Variants in PLCH2 observed in about 807,000 individuals in gnomAD.
The protein encoded by PLCH2 is phospholipase C eta 2, also known as 1-phosphatidylinositol 4,5-bisphosphate phosphodiesterase eta-2.
In PLCH2, 98 loss-of-function variants were observed where a neutral mutation model predicts 134.7. The ratio of observed to expected loss-of-function variants is 0.73; its 90% CI spans 0.62 to 0.86. PLCH2 has a LOEUF of 0.86. Ranked by LOEUF, PLCH2 falls within the 40% of genes least tolerant of loss-of-function variation. The pLI is 0.00. For missense variants in PLCH2, 1,994 were observed against 1,986.6 expected (o/e 1.00, Z -0.07); for synonymous variants, 974 against 827.5 (o/e 1.18, Z -3.04).
Position 2,504,897 on chromosome 1 carries a change from C to T in PLCH2, c.3935C>T (p.Ala1312Val). Reference sequence around the variant, plus strand: ...CGCTGGCTCACTGTCTTCCAGCAGGCAGGAGACATCACGTCACCCACCAGC... The same window carrying T: ...CGCTGGCTCACTGTCTTCCAGCAGGTAGGAGACATCACGTCACCCACCAGC... ...QLRWLTVFQQ[A>V]GDITSPTSLG... The change falls in exon 22 of 22, where the codon GCA (alanine) becomes GTA (valine). Residue 1312 changes from alanine (A) to valine (V), a missense_variant. This residue lies in a region of PLCH2 where 900 missense variants were observed against 752.3 expected (regional missense o/e 1.20). Coordinates refer to ENST00000378486, the MANE Select transcript of PLCH2 (RefSeq NM_014638.4). The T allele has an allele frequency of 6.3e-7, 1 of 1,585,340 alleles. No individual in the cohort carries two copies. Among genetic ancestry groups the T allele is most frequent in the Non-Finnish European group, 8.6e-7 (1 of 1,165,174 alleles).
At chr1:2,417,208 G>T in the PLCH2 span, among the ~76,000 whole-genome samples, 1 of 152,282 alleles carries the variant, frequency 6.6e-6, no homozygotes, top group Middle Eastern at 3.4e-3. Flanking sequence ...GTCCTGGTGT[G>T]CAGCTGTCAT....
chr1:2,496,460 G>A lies in PLCH2; in HGVS notation c.1836-147G>A, dbSNP rs1349581778. On this transcript the variant is annotated intron_variant, in intron 13 of 21. Transcript: ENST00000378486. ...CCCAGCACTCAGGTTTCCGCAGCCC[G>A]CGGCCCAGTCTGGCGTCCGTCTCTG... The A allele has an allele frequency of 4.3e-5, 30 of 697,524 alleles. No individual in the cohort carries two copies. The Admixed American group carries it at 6.9e-4, about 16-fold the overall frequency. The allele number at this position is 697,524 out of a possible 1,614,324, so 43.2% of individuals were successfully genotyped here. A position where few individuals can be genotyped will look rare whatever the true frequency, so the allele number is the denominator to read the frequency against.
intron 2 of PLCH2, among the ~76,000 whole-genome samples, chr1:2,449,102 C>A (rs572741719): frequency 2.6e-5 from 4 of 152,078 alleles, no homozygotes; most frequent in Non-Finnish European, 5.9e-5. Flanking sequence ...GCTTCACATC[C>A]CCCTGGACGG....
rs1406228730 is a variant in PLCH2, at chr1:2,499,566, T to C, written c.2582-75T>C. On this transcript the variant is annotated intron_variant, in intron 19 of 21. Coordinates refer to ENST00000378486, the MANE Select transcript of PLCH2 (RefSeq NM_014638.4). ...TATCTGGGGTCTTGGGACCTTTAAG[T>C]AGAATGGGGGGCAGAGCAGGTGGGG... 16 of 1,141,994 alleles carry C rather than the reference T, an allele frequency of 1.4e-5. No homozygotes were observed. In the East Asian group the frequency reaches 2.8e-4, roughly 20 times the overall value. 70.7% of individuals were successfully genotyped at this position (1,141,994 alleles called of 1,614,324 possible).
At chr1:2,497,032 T>G (rs753889326) in intron 15 of PLCH2, 22 bp downstream of exon 15, 1 of 1,605,196 alleles carries the variant, frequency 6.2e-7, no homozygotes, top group Non-Finnish European at 8.5e-7. Flanking sequence ...CATGGTGCGC[T>G]GGGTGTGGTG....
At chr1:2,442,902 C>T (rs1007581979) in intron 2 of PLCH2, among the ~76,000 whole-genome samples, 26 of 152,342 alleles carry the variant, frequency 1.7e-4, no homozygotes, top group African/African-American at 3.4e-4. Context: ...ACTTGTCTCC[C>T]GCCTCCTCCT....
chr1:2,480,237 C>T lies in PLCH2; in HGVS notation c.570C>T (p.Ser190=), dbSNP rs1259350931. Residue 190 remains serine (S), a synonymous_variant, in exon 4 of 22, where the codon AGC becomes AGT. Coordinates refer to ENST00000378486, the MANE Select transcript of PLCH2 (RefSeq NM_014638.4). ...EADKNGDGSL[S]IGEVLQLLHK... ...ACAAGAACGGGGATGGCAGCCTGAG[C>T]ATTGGCGAGGTCCTGCAGCTGCTGC... The T allele has an allele frequency of 4.3e-6, 7 of 1,612,818 alleles. No homozygotes were observed. Among genetic ancestry groups the T allele is most frequent in the Non-Finnish European group, 5.9e-6 (7 of 1,179,840 alleles).
At chr1:2,488,062 C>G (rs1291767125) in intron 8 of PLCH2, among the ~76,000 whole-genome samples, 1 of 152,234 alleles carries the variant, frequency 6.6e-6, no homozygotes, top group Non-Finnish European at 1.5e-5. Context: ...GCTGTAGACA[C>G]TATTGAAGAA....
In PLCH2 at chr1:2,450,292, C is replaced by T. The variant is rs867035785; in HGVS notation, c.115+19663C>T. 1.1e-4 allele frequency among the ~76,000 whole-genome samples: 17 copies of T among 152,114 alleles called. 1 individual carries two copies. Among genetic ancestry groups the T allele is most frequent in the Admixed American group, 6.5e-4 (10 of 15,282 alleles). Reference sequence around the variant, plus strand: ...AACACCCAGCCATTCCCTCCCTCCCCGTGGGCCTCCAGCACAGGCGGCCGG... The same window carrying T: ...AACACCCAGCCATTCCCTCCCTCCCTGTGGGCCTCCAGCACAGGCGGCCGG... On this transcript the variant is annotated intron_variant, in intron 2 of 3. Coordinates refer to the PLCH2 transcript ENST00000609981.
chr1:2,503,502 T>C, intron 21 of PLCH2: 1 of 650,650 alleles, frequency 1.5e-6, no homozygotes, highest in Non-Finnish European at 2.8e-6. Flanking sequence ...ACTAGAAGGG[T>C]GTCTCCTTAG....
intron 2 of PLCH2, among the ~76,000 whole-genome samples, chr1:2,459,584 G>T (rs2985853): frequency 1.9e-5 from 2 of 104,976 alleles, no homozygotes; most frequent in Admixed American, 1.0e-4. Context: ...GGTCCTCCTT[G>T]CCGGTGGTCT....
At chr1:2,497,654 T>C (rs1258057618) in intron 16 of PLCH2, 45 bp downstream of exon 16, 35 of 1,271,286 alleles carry the variant, frequency 2.8e-5, no homozygotes, top group Non-Finnish European at 3.6e-5. Context: ...AGGGCTCGGA[T>C]GGGCCTCCTG....
At chr1:2,491,120 C>G (rs918027093) in intron 10 of PLCH2, 72 bp from the exon 11 acceptor site, 1 of 1,454,882 alleles carries the variant, frequency 6.9e-7, no homozygotes, top group Non-Finnish European at 9.3e-7. Flanking sequence ...TGCTGTGACC[C>G]TGGGGGTTGT....
upstream of PLCH2, among the ~76,000 whole-genome samples, chr1:2,473,158 C>T (rs530205902): frequency 2.2e-4 from 33 of 152,292 alleles, no homozygotes; most frequent in East Asian, 9.7e-4. Flanking sequence ...GCCACCCGCC[C>T]GGTTCCAGCC....
At chr1:2,466,744 C>T (rs1348154677), upstream of PLCH2, among the ~76,000 whole-genome samples, 2 of 152,228 alleles carry the variant, frequency 1.3e-5, no homozygotes, top group African/African-American at 4.8e-5. Flanking sequence ...ATGTTACGTC[C>T]CTCAGATGCT....
chr1:2,504,415 C>T lies in PLCH2; in HGVS notation c.3453C>T (p.Ser1151=), dbSNP rs778448952. Residue 1151 remains serine (S), a synonymous_variant, in exon 22 of 22, where the codon TCC becomes TCT. Coordinates refer to ENST00000378486, the MANE Select transcript of PLCH2 (RefSeq NM_014638.4). ...TTTCCTCCTCCTCCAGCATGTCATC[C>T]AGCGACACTGTCATTGACCTCTCCC... is the stretch of plus-strand genomic sequence containing the variant. The part of the protein sequence containing the change: ...DSVSSSSSMS[S]SDTVIDLSLP... The T allele has an allele frequency of 1.9e-6, 3 of 1,612,534 alleles. No individual in the cohort carries two copies. Among genetic ancestry groups the T allele is most frequent in the African/African-American group, 1.3e-5 (1 of 74,944 alleles).
intron 2 of PLCH2, among the ~76,000 whole-genome samples, chr1:2,441,687 C>T (rs548054072): frequency 3.3e-5 from 5 of 152,256 alleles, no homozygotes; most frequent in African/African-American, 7.2e-5. Context: ...GCCAGCACCC[C>T]GGGAGAGGAA....
chr1:2,462,311 CCCCCTCTGCCTGACA>C (rs1378154239), intron 2 of PLCH2, among the ~76,000 whole-genome samples: 1 of 129,406 alleles, frequency 7.7e-6, no homozygotes, highest in Non-Finnish European at 1.7e-5. Context: ...CTGCCTGACA[CCCCCTCTGCCTGACA>C]CCCCTCTGCC....
At chr1:2,501,911 G>A (rs1333361157) in intron 20 of PLCH2, 2 of 519,862 alleles carry the variant, frequency 3.8e-6, no homozygotes, top group East Asian at 3.4e-5. Context: ...AGCAGCTACT[G>A]TCCCAGGCAG....
Sources: allele counts gnomAD v4.1 joint callset (sites outside exome capture counted in the v4.1 genomes callset), GRCh38; gene constraint gnomAD v4.1.1; regional missense constraint gnomAD v4.1.1; transcripts MANE v1.5; gene names NCBI Gene and HGNC (gene_info 2026-07-23, HGNC 2026-07-21).